CPQ: variants seen among roughly 807,000 people sequenced by gnomAD.
The protein encoded by CPQ is carboxypeptidase Q.
Under a neutral mutation model 45.7 loss-of-function variants are expected in CPQ, and 37 were observed. The observed-to-expected ratio is 0.81, with a 90% confidence interval of 0.62 to 1.07. CPQ has a LOEUF of 1.07. CPQ is among the 50% of genes least tolerant of loss of function. The probability of loss-of-function intolerance (pLI) is 0.00; values close to 1 mark genes in which losing one functional copy is unlikely to be tolerated. For missense variants in CPQ, 537 were observed against 572.9 expected, an observed-to-expected ratio of 0.94 and a Z score of 0.64; for synonymous variants, 186 against 205.8, an observed-to-expected ratio of 0.90 and a Z score of 0.82.
chr8:97,064,974 G>A (rs560047056), intron 6 of CPQ, among the ~76,000 whole-genome samples: 4 of 152,264 alleles, frequency 2.6e-5, no homozygotes, highest in African/African-American at 9.6e-5. Context: ...TAATAATACT[G>A]CTTTGTCTAT....
intron 5 of CPQ, among the ~76,000 whole-genome samples, chr8:97,020,264 C>T (rs1042932605): frequency 2.0e-5 from 3 of 152,048 alleles, no homozygotes; most frequent in African/African-American, 7.2e-5. Context: ...TAAATGCCTA[C>T]ATCAAAAAGT....
intron 4 of CPQ, among the ~76,000 whole-genome samples, chr8:96,928,789 T>C (rs374356591): frequency 6.6e-6 from 1 of 152,186 alleles, no homozygotes; most frequent in African/African-American, 2.4e-5. Flanking sequence ...GCTTCCGAAG[T>C]TCAGACCCTG....
intron 1 of CPQ, among the ~76,000 whole-genome samples, chr8:96,735,799 G>C (rs1809974912): frequency 6.6e-6 from 1 of 151,910 alleles, no homozygotes; most frequent in Non-Finnish European, 1.5e-5. Context: ...AATTAGCCAG[G>C]GTATTCTTCA....
chr8:96,922,653 C>T (rs1455180450), intron 4 of CPQ, among the ~76,000 whole-genome samples: 2 of 152,158 alleles, frequency 1.3e-5, no homozygotes, highest in Non-Finnish European at 2.9e-5. Context: ...ATGTATGTTA[C>T]AGTTTTCAAA....
chr8:97,025,109 C>T (rs1222242760), intron 5 of CPQ, among the ~76,000 whole-genome samples: 2 of 152,158 alleles, frequency 1.3e-5, no homozygotes, highest in East Asian at 3.9e-4. Context: ...GCCAAGTTTA[C>T]TTTGCTCTGC....
intron 4 of CPQ, among the ~76,000 whole-genome samples, chr8:96,919,821 G>A (rs186901259): frequency 2.0e-5 from 3 of 152,114 alleles, no homozygotes; most frequent in Non-Finnish European, 4.4e-5. Flanking sequence ...CTTTATCAGT[G>A]AAATTTAACT....
chr8:97,136,625 G>T (rs1367492894), intron 7 of CPQ, among the ~76,000 whole-genome samples: 1 of 152,102 alleles, frequency 6.6e-6, no homozygotes, highest in Non-Finnish European at 1.5e-5. Flanking sequence ...CTCCCTCCTA[G>T]GTGCAATGGC....
At chr8:96,760,399 T>G (rs1382310930) in intron 1 of CPQ, among the ~76,000 whole-genome samples, 1 of 152,104 alleles carries the variant, frequency 6.6e-6, no homozygotes, top group Admixed American at 6.6e-5. Flanking sequence ...TATGCAAGAT[T>G]GTAAGTGGAA....
intron 3 of CPQ, among the ~76,000 whole-genome samples, chr8:96,867,805 C>G (rs1032135124): frequency 5.9e-5 from 9 of 152,110 alleles, no homozygotes; most frequent in Non-Finnish European, 1.2e-4. Context: ...TATGTTATGA[C>G]TTTCTCATCC....
In CPQ at chr8:97,143,242, T is replaced by C. The variant is rs930183789; in HGVS notation, c.*59T>C. On this transcript the variant is annotated 3_prime_UTR_variant, in exon 8 of 8. Transcript: ENST00000220763. ...GCCAGGAATCCTGGGTCTGCAACTT[T>C]GGAAAACTCCTCTTCACATAACAAT... 4 of 1,544,978 alleles carry C rather than the reference T, an allele frequency of 2.6e-6. No homozygotes were observed. In the African/African-American group the frequency reaches 5.5e-5, roughly 21 times the overall value.
intron 4 of CPQ, among the ~76,000 whole-genome samples, chr8:96,897,663 A>G (rs977901197): frequency 2.0e-5 from 3 of 152,210 alleles, no homozygotes; most frequent in African/African-American, 7.2e-5. Context: ...TTGTGTTTAC[A>G]CTTGGTCCCA....
intron 7 of CPQ, among the ~76,000 whole-genome samples, chr8:97,141,074 A>G (rs1038678224): frequency 3.9e-5 from 6 of 152,106 alleles, no homozygotes; most frequent in African/African-American, 1.4e-4. Flanking sequence ...AAATGAAAAT[A>G]AAATATTTTT....
chr8:96,782,718 T>C (rs1810705041), intron 1 of CPQ, among the ~76,000 whole-genome samples: 1 of 152,146 alleles, frequency 6.6e-6, no homozygotes, highest in Non-Finnish European at 1.5e-5. Flanking sequence ...AATACTGTCT[T>C]TAAATTATTT....
chr8:97,067,881 A>G (rs1477833357), intron 7 of CPQ, among the ~76,000 whole-genome samples: 1 of 152,190 alleles, frequency 6.6e-6, no homozygotes, highest in Non-Finnish European at 1.5e-5. Flanking sequence ...TTTAAATTAT[A>G]TAGAATCATT....
intron 4 of CPQ, among the ~76,000 whole-genome samples, chr8:96,896,034 T>C (rs1812437495): frequency 1.3e-5 from 2 of 152,100 alleles, no homozygotes; most frequent in South Asian, 4.1e-4. Flanking sequence ...ATTTGTGTAT[T>C]TTCATAATAA....
chr8:97,129,134 A>C (rs1047222571), intron 7 of CPQ, among the ~76,000 whole-genome samples: 2 of 152,204 alleles, frequency 1.3e-5, no homozygotes, highest in African/African-American at 4.8e-5. Flanking sequence ...CATGAAATCT[A>C]ATAGAAGGGA....
intron 1 of CPQ, among the ~76,000 whole-genome samples, chr8:96,649,902 A>G (rs967089646): frequency 6.6e-6 from 1 of 152,246 alleles, no homozygotes; most frequent in Non-Finnish European, 1.5e-5. Flanking sequence ...GACTCAAACA[A>G]TGAGGAGTTA....
intron 1 of CPQ, among the ~76,000 whole-genome samples, chr8:96,755,119 A>T (rs569580957): frequency 1.8e-4 from 28 of 152,082 alleles, no homozygotes; most frequent in Non-Finnish European, 3.7e-4. Flanking sequence ...CTTGATTAGT[A>T]ATGAAAATAT....
chr8:96,921,011 G>A (rs1211497167), intron 4 of CPQ, among the ~76,000 whole-genome samples: 1 of 152,132 alleles, frequency 6.6e-6, no homozygotes, highest in Non-Finnish European at 1.5e-5. Context: ...ATTCTGTATA[G>A]CTTATAAAGC....
Sources: allele counts gnomAD v4.1 joint callset (sites outside exome capture counted in the v4.1 genomes callset), GRCh38; gene constraint gnomAD v4.1.1; transcripts MANE v1.5; gene names NCBI Gene and HGNC (gene_info 2026-07-23, HGNC 2026-07-21).